The following NLGN1 variants were observed in gnomAD, a reference collection of about 807,000 sequenced individuals.
NLGN1 encodes neuroligin-1.
Under a neutral mutation model 65.5 loss-of-function variants are expected in NLGN1, and 12 were observed. The ratio of observed to expected loss-of-function variants is 0.18; its 90% CI spans 0.12 to 0.30. The LOEUF is 0.30. Ranked by LOEUF, NLGN1 falls within the 10% of genes least tolerant of loss-of-function variation. The pLI is 1.00. For missense variants in NLGN1, 750 were observed against 1,007.1 expected (o/e 0.74, Z 3.46); for synonymous variants, 350 against 359.5 (o/e 0.97, Z 0.30).
At chr3:174,000,349 G>A (rs947680485) in intron 4 of NLGN1, among the ~76,000 whole-genome samples, 7 of 151,932 alleles carry the variant, frequency 4.6e-5, no homozygotes, top group South Asian at 2.1e-4. Context: ...ATTCACATTC[G>A]TTTTCATCTT....
intron 4 of NLGN1, among the ~76,000 whole-genome samples, chr3:173,983,768 A>G (rs897728471): frequency 3.3e-5 from 5 of 151,662 alleles, no homozygotes; most frequent in Non-Finnish European, 7.4e-5. Context: ...GACTTCATAA[A>G]CTCCCCAAGC....
At chr3:174,037,588 T>A (rs1731412689) in intron 4 of NLGN1, among the ~76,000 whole-genome samples, 1 of 152,196 alleles carries the variant, frequency 6.6e-6, no homozygotes. Context: ...CACAAAGTAT[T>A]ACTTACAGAC....
chr3:174,267,543 A>C (rs1748518733), intron 4 of NLGN1, among the ~76,000 whole-genome samples: 2 of 152,130 alleles, frequency 1.3e-5, no homozygotes, highest in African/African-American at 4.8e-5. Context: ...CCTGTATTCT[A>C]GACCAGTATT....
chr3:174,273,122 AC>A (rs1411485584), intron 4 of NLGN1, among the ~76,000 whole-genome samples: 1 of 151,548 alleles, frequency 6.6e-6, no homozygotes, highest in East Asian at 1.9e-4. Flanking sequence ...ATTGTCTGAT[AC>A]CGTGGTTCTC....
chr3:173,529,691 G>A (rs1168707182), intron 2 of NLGN1, among the ~76,000 whole-genome samples: 1 of 152,150 alleles, frequency 6.6e-6, no homozygotes, highest in African/African-American at 2.4e-5. Flanking sequence ...GCTCTCAGTA[G>A]GAACGGTTTT....
chr3:173,982,298 CT>C (rs956410326), intron 4 of NLGN1, among the ~76,000 whole-genome samples: 5 of 151,852 alleles, frequency 3.3e-5, no homozygotes, highest in African/African-American at 9.7e-5. Flanking sequence ...TACCAGGAAG[CT>C]TTATCTAAAA....
chr3:174,236,024 T>C (rs1353828849), intron 4 of NLGN1, among the ~76,000 whole-genome samples: 1 of 152,184 alleles, frequency 6.6e-6, no homozygotes, highest in Non-Finnish European at 1.5e-5. Flanking sequence ...GTTGGACTCT[T>C]ATTCACTGCT....
At chr3:174,119,074 A>C (rs1717198292) in intron 4 of NLGN1, among the ~76,000 whole-genome samples, 1 of 152,196 alleles carries the variant, frequency 6.6e-6, no homozygotes, top group South Asian at 2.1e-4. Flanking sequence ...TGTATGGTTA[A>C]ATTAAAATAA....
At chr3:173,480,513 G>T (rs1159717601) in intron 2 of NLGN1, among the ~76,000 whole-genome samples, 1 of 152,060 alleles carries the variant, frequency 6.6e-6, no homozygotes, top group African/African-American at 2.4e-5. Flanking sequence ...ATAGATCCAA[G>T]ATGTTACTCA....
chr3:173,925,278 C>T lies in NLGN1; in HGVS notation c.646+117446C>T, dbSNP rs1742795387. Among the ~76,000 whole-genome samples the T allele has an allele frequency of 2.0e-5, 3 of 151,858 alleles. No individual in the cohort carries two copies. In the South Asian group the frequency reaches 6.2e-4, roughly 31 times the overall value. ...ATAATGAAAATAAGCCACTGAGGATCTTTTGGGGATGTTGGTATTTTGATT... is the reference window on the plus strand; with the variant it reads ...ATAATGAAAATAAGCCACTGAGGATTTTTTGGGGATGTTGGTATTTTGATT... On this transcript the variant is annotated intron_variant, in intron 4 of 6. Coordinates refer to ENST00000457714, the Ensembl canonical transcript of NLGN1.
chr3:174,188,489 A>T (rs1458149781), intron 4 of NLGN1, among the ~76,000 whole-genome samples: 1 of 151,942 alleles, frequency 6.6e-6, no homozygotes, highest in African/African-American at 2.4e-5. Flanking sequence ...ACTTAACAGG[A>T]ACTACTGCAA....
intron 2 of NLGN1, among the ~76,000 whole-genome samples, chr3:173,442,676 T>C (rs1370336297): frequency 2.6e-5 from 4 of 152,202 alleles, no homozygotes; most frequent in African/African-American, 9.6e-5. Flanking sequence ...TATTAAAATA[T>C]TAACTTTTGA....
intron 4 of NLGN1, among the ~76,000 whole-genome samples, chr3:174,133,455 TAA>T (rs1720590866): frequency 6.6e-6 from 1 of 152,178 alleles, no homozygotes; most frequent in African/African-American, 2.4e-5. Flanking sequence ...AATTCAGTAT[TAA>T]TTAACGCCTG....
chr3:173,991,181 C>T (rs1156641371), intron 4 of NLGN1, among the ~76,000 whole-genome samples: 2 of 152,096 alleles, frequency 1.3e-5, no homozygotes, highest in Non-Finnish European at 1.5e-5. Context: ...ACCTTCACTG[C>T]CATAAAAATC....
At chr3:173,799,910 T>C (rs1024882825) in intron 3 of NLGN1, among the ~76,000 whole-genome samples, 5 of 151,978 alleles carry the variant, frequency 3.3e-5, no homozygotes, top group Non-Finnish European at 7.4e-5. Context: ...ACCTACTTTT[T>C]TAATGTTGCC....
At chr3:174,084,316 A>C (rs981182174) in intron 4 of NLGN1, among the ~76,000 whole-genome samples, 9 of 152,190 alleles carry the variant, frequency 5.9e-5, no homozygotes, top group African/African-American at 2.2e-4. Flanking sequence ...AAAGTCAATC[A>C]ATTTAACTAA....
At chr3:173,811,370 C>T (rs1398324767) in intron 4 of NLGN1, among the ~76,000 whole-genome samples, 2 of 151,830 alleles carry the variant, frequency 1.3e-5, no homozygotes, top group African/African-American at 2.4e-5. Flanking sequence ...TCAAGACCAG[C>T]CTGGCCAACA....
At chr3:173,854,634 G>A (rs1179999310) in intron 4 of NLGN1, among the ~76,000 whole-genome samples, 1 of 152,046 alleles carries the variant, frequency 6.6e-6, no homozygotes, top group African/African-American at 2.4e-5. Context: ...AAGTTGCATG[G>A]TAAATTTGAA....
Position 173,555,046 on chromosome 3 carries a change from A to G in NLGN1, c.-320-49233A>G, listed in dbSNP as rs1240534793. On this transcript the variant is annotated intron_variant, in intron 2 of 6. Coordinates refer to ENST00000457714, the Ensembl canonical transcript of NLGN1. ...CATTCTGTGTGCTAATTGACCATGT[A>G]TATGTCTTATTTAATGAGTTATCTT... 2.6e-5 allele frequency among the ~76,000 whole-genome samples: 4 copies of G among 152,100 alleles called. No homozygotes were observed. The East Asian group carries it at 7.7e-4, about 29-fold the overall frequency.
Sources: allele counts gnomAD v4.1 joint callset (sites outside exome capture counted in the v4.1 genomes callset), GRCh38; gene constraint gnomAD v4.1.1; transcripts MANE v1.5; gene names NCBI Gene and HGNC (gene_info 2026-07-23, HGNC 2026-07-21).